The following KCTD1 variants were observed in gnomAD, a reference collection of about 807,000 sequenced individuals.
KCTD1 encodes the protein potassium channel tetramerization domain containing 1.
Under a neutral mutation model 66.0 loss-of-function variants are expected in KCTD1, and 24 were observed. That is an observed-to-expected ratio of 0.36 (90% confidence interval 0.26 to 0.51). KCTD1 has a LOEUF of 0.51. Ranked by LOEUF, KCTD1 falls within the 20% of genes least tolerant of loss-of-function variation. KCTD1 has a pLI of 0.95. For missense variants in KCTD1, 943 were observed against 1,205.2 expected (o/e 0.78, Z 3.22); for synonymous variants, 511 against 517.2 (o/e 0.99, Z 0.16).
chr18:26,529,214 AC>A (rs1433721866), intron 1 of KCTD1, among the ~76,000 whole-genome samples: 2 of 152,070 alleles, frequency 1.3e-5, no homozygotes, highest in African/African-American at 4.8e-5. Flanking sequence ...TAGTCCTCAG[AC>A]ACAATGACCT....
chr18:26,641,554 G>A (rs1204879727), upstream of KCTD1, among the ~76,000 whole-genome samples: 1 of 151,924 alleles, frequency 6.6e-6, no homozygotes, highest in Admixed American at 6.6e-5. Context: ...TTCCCCACTG[G>A]TCTCCATTGC....
At chr18:26,576,024 C>T (rs989094357) in intron 1 of KCTD1, among the ~76,000 whole-genome samples, 2 of 152,210 alleles carry the variant, frequency 1.3e-5, no homozygotes, top group Admixed American at 6.5e-5. Context: ...ACACCTCATA[C>T]ATGCCTTGGC....
intron 4 of KCTD1, chr18:26,458,042 T>C (rs1368911022): frequency 6.6e-6 from 1 of 152,452 alleles, no homozygotes; most frequent in Non-Finnish European, 1.5e-5. Context: ...GGACAGGCTT[T>C]CTGGGCTTTA....
chr18:26,639,767 G>T (rs1190034721), intron 1 of KCTD1, among the ~76,000 whole-genome samples: 1 of 152,144 alleles, frequency 6.6e-6, no homozygotes, highest in Non-Finnish European at 1.5e-5. Flanking sequence ...TTCAGATGAG[G>T]ATATGTTCAA....
chr18:26,610,045 G>A (rs1667384341), intron 1 of KCTD1, among the ~76,000 whole-genome samples: 2 of 152,126 alleles, frequency 1.3e-5, no homozygotes, highest in Admixed American at 1.3e-4. Flanking sequence ...TTTATTTAGA[G>A]AAGCCAAGAG....
At chr18:26,538,722 C>A (rs958365619) in intron 1 of KCTD1, among the ~76,000 whole-genome samples, 5 of 152,194 alleles carry the variant, frequency 3.3e-5, no homozygotes, top group Non-Finnish European at 5.9e-5. Flanking sequence ...TCATTTAACA[C>A]CCATGCTCCT....
intron 1 of KCTD1, among the ~76,000 whole-genome samples, chr18:26,540,579 A>G (rs1567986138): frequency 6.6e-6 from 1 of 151,766 alleles, no homozygotes; most frequent in South Asian, 2.1e-4. Context: ...AGCAAGATCA[A>G]CCCCTCCTCT....
In KCTD1 at chr18:26,459,735, ACTT is replaced by A; in HGVS notation, c.2321_2323del (p.Glu774del). 6.2e-7 allele frequency: 1 copy of A among 1,614,104 alleles called. No individual in the cohort carries two copies. Among genetic ancestry groups the A allele is most frequent in the Non-Finnish European group, 8.5e-7 (1 of 1,179,984 alleles). ...CATCACGTCGCCGATCTCTGGAAATACTTCTTCTATCAAGGATTTGTCACCGCT... is the reference window on the plus strand; with the variant it reads ...CATCACGTCGCCGATCTCTGGAAATACTTCTATCAAGGATTTGTCACCGCT... On this transcript the variant is annotated inframe_deletion, in exon 4 of 5. Coordinates refer to ENST00000580059, the MANE Select transcript of KCTD1 (RefSeq NM_001142730.3).
chr18:26,634,170 G>A (rs535619643), upstream of KCTD1, among the ~76,000 whole-genome samples: 54 of 152,090 alleles, frequency 3.6e-4, no homozygotes, highest in African/African-American at 1.3e-3. Flanking sequence ...CATTATTCAG[G>A]GTGGCAAAAA....
rs181706551 is a variant in KCTD1, at chr18:26,627,429, T to A, written c.-16+1718A>T. ...TTGAACCATGTACAATTGTCATTCATTGTGGGGTCAAAAATATCAAGCATC... is the reference window on the plus strand; with the variant it reads ...TTGAACCATGTACAATTGTCATTCAATGTGGGGTCAAAAATATCAAGCATC... On this transcript the variant is annotated intron_variant, in intron 1 of 4. Transcript: ENST00000317932. 2.2e-4 allele frequency among the ~76,000 whole-genome samples: 34 copies of A among 152,262 alleles called. No individual in the cohort carries two copies. In the East Asian group the frequency reaches 6.6e-3, roughly 29 times the overall value.
upstream of KCTD1, among the ~76,000 whole-genome samples, chr18:26,630,336 G>C (rs1987592216): frequency 6.6e-6 from 1 of 151,762 alleles, no homozygotes; most frequent in Admixed American, 6.6e-5. Flanking sequence ...TGTTTTTTTA[G>C]AGGTAAGGTC....
At chr18:26,531,691 G>C (rs895580731) in intron 1 of KCTD1, among the ~76,000 whole-genome samples, 3 of 152,154 alleles carry the variant, frequency 2.0e-5, no homozygotes, top group Non-Finnish European at 2.9e-5. Context: ...GATTCTAAAT[G>C]TCACCTGACC....
intron 1 of KCTD1, among the ~76,000 whole-genome samples, chr18:26,508,299 G>A: frequency 6.6e-6 from 1 of 152,130 alleles, no homozygotes; most frequent in Admixed American, 6.5e-5. Flanking sequence ...CAACAGAGGA[G>A]CAATGATTTT....
intron 1 of KCTD1, among the ~76,000 whole-genome samples, chr18:26,588,266 C>G (rs1406599571): frequency 7.5e-6 from 1 of 133,686 alleles, no homozygotes; most frequent in Non-Finnish European, 1.6e-5. Context: ...CAGTGTAAGA[C>G]TCTGTAGAAA....
Position 26,570,886 on chromosome 18 carries a change from T to C in KCTD1, c.-16+58261A>G, listed in dbSNP as rs1986091964. On this transcript the variant is annotated intron_variant, in intron 1 of 4. Coordinates refer to the KCTD1 transcript ENST00000317932. ...TAAGAATGCCTCAGTCATGTATAGC[T>C]CTATTATTCTGTGAGGTTGTCTAAA... Among the ~76,000 whole-genome samples, 3 of 152,230 alleles carry C rather than the reference T, an allele frequency of 2.0e-5. No homozygotes were observed. The South Asian group carries it at 6.2e-4, about 31-fold the overall frequency.
intron 2 of KCTD1, among the ~76,000 whole-genome samples, chr18:26,493,853 C>T (rs1409494036): frequency 6.6e-6 from 1 of 152,218 alleles, no homozygotes; most frequent in Non-Finnish European, 1.5e-5. Context: ...CCTCCACCCC[C>T]AGCCCACTAC....
chr18:26,543,746 T>A lies in KCTD1; in HGVS notation c.1809+2982A>T, dbSNP rs185354459. On this transcript the variant is annotated intron_variant, in intron 1 of 4. Coordinates refer to ENST00000580059, the MANE Select transcript of KCTD1 (RefSeq NM_001142730.3). ...TCCTTAAAAGTATTTCTGGAAATAA[T>A]CTAGGTTAGGGTCAAGCAAGTGCAA... 33 of 152,324 alleles carry A rather than the reference T, an allele frequency of 2.2e-4. No individual in the cohort carries two copies. In the East Asian group the frequency reaches 6.0e-3, roughly 28 times the overall value. The allele number at this position is 152,324 out of a possible 1,614,324, so 9.4% of individuals were successfully genotyped here.
intron 1 of KCTD1, among the ~76,000 whole-genome samples, chr18:26,595,120 T>C (rs1986737032): frequency 6.6e-6 from 1 of 152,178 alleles, no homozygotes; most frequent in African/African-American, 2.4e-5. Flanking sequence ...CCTCGATGTA[T>C]AACTCTATTT....
At chr18:26,590,034 T>G (rs1986562409) in intron 1 of KCTD1, among the ~76,000 whole-genome samples, 1 of 152,194 alleles carries the variant, frequency 6.6e-6, no homozygotes, top group Non-Finnish European at 1.5e-5. Context: ...TAGTGAATCC[T>G]GGAACAGCCC....
Sources: gnomAD v4.1 joint callset for allele counts (sites outside exome capture counted in the v4.1 genomes callset) on GRCh38, gnomAD v4.1.1 for gene constraint, MANE v1.5 for transcripts, NCBI Gene and HGNC (gene_info 2026-07-23, HGNC 2026-07-21) for gene names.